The following MCPH1 variants were observed in gnomAD, a reference collection of about 807,000 sequenced individuals.
MCPH1 encodes the protein microcephalin.
A neutral mutation model predicts 84.5 loss-of-function variants in MCPH1; 104 were observed. The observed-to-expected ratio is 1.23, with a 90% CI of 1.05 to 1.45. The LOEUF (loss-of-function observed/expected upper bound fraction) is 1.45. Ranked by LOEUF, MCPH1 falls within the 40% of genes most tolerant of loss-of-function variation. The probability of loss-of-function intolerance (pLI) is 0.00; values close to 1 mark genes in which losing one functional copy is unlikely to be tolerated. For missense variants in MCPH1, 1,498 were observed against 1,005.7 expected, an observed-to-expected ratio of 1.49 and a Z score of -6.62; for synonymous variants, 514 against 366.8, an observed-to-expected ratio of 1.40 and a Z score of -4.58.
Position 6,445,118 on chromosome 8 carries a change from A to G in MCPH1, c.1396A>G (p.Lys466Glu). 6.2e-7 allele frequency: 1 copy of G among 1,614,182 alleles called. No homozygotes were observed. The highest frequency in any genetic ancestry group is 1.1e-5 in the South Asian group (1 of 91,070). The change falls in exon 8 of 14, where the codon AAA (lysine) becomes GAA (glutamate). Residue 466 changes from lysine to glutamate, a missense_variant. Coordinates refer to ENST00000344683, the MANE Select transcript of MCPH1 (RefSeq NM_024596.5). ...AATGTCTGATTTTTCCTGCGTTGGC[A>G]AAAAAACCAGAACAGTTGACATTAC... Reference protein sequence around the residue: ...FEMSDFSCVGKKTRTVDITNF... With the variant: ...FEMSDFSCVGEKTRTVDITNF...
rs559279037 is a variant in MCPH1, at chr8:6,571,606, C to A, written c.2215-49848C>A. 2.6e-5 allele frequency among the ~76,000 whole-genome samples: 4 copies of A among 152,022 alleles called. No individual in the cohort carries two copies. In the East Asian group the frequency reaches 7.7e-4, roughly 29 times the overall value. ...AATTTTTATCTTAATTATTGAGAAACCTTTTTAAAAAGAGATAAAAATGTC... is the reference window on the plus strand; with the variant it reads ...AATTTTTATCTTAATTATTGAGAAAACTTTTTAAAAAGAGATAAAAATGTC... On this transcript the variant is annotated intron_variant, in intron 12 of 13. Transcript: ENST00000344683.
intron 6 of MCPH1, among the ~76,000 whole-genome samples, chr8:6,440,990 C>T (rs576294765): frequency 6.6e-6 from 1 of 152,252 alleles, no homozygotes; most frequent in Admixed American, 6.5e-5. Context: ...GCTTTTCTTG[C>T]AAAATGTGTG....
At chr8:6,429,471 A>G (rs1801527826) in intron 3 of MCPH1, among the ~76,000 whole-genome samples, 2 of 150,370 alleles carry the variant, frequency 1.3e-5, no homozygotes, top group South Asian at 4.2e-4. Context: ...TCTGAGCTCC[A>G]GGTTCTGAGC....
intron 3 of MCPH1, among the ~76,000 whole-genome samples, chr8:6,416,587 C>T (rs1163587098): frequency 1.3e-5 from 2 of 152,060 alleles, no homozygotes; most frequent in Admixed American, 1.3e-4. Flanking sequence ...GATTTTTGTC[C>T]TTCATTATAT....
At chr8:6,468,081 G>C (rs921819083) in intron 9 of MCPH1, among the ~76,000 whole-genome samples, 2 of 152,198 alleles carry the variant, frequency 1.3e-5, no homozygotes, top group Non-Finnish European at 2.9e-5. Context: ...CTACACCTTA[G>C]CTTAAGCAAT....
At chr8:6,440,517 C>T (rs1024682278) in intron 6 of MCPH1, among the ~76,000 whole-genome samples, 2 of 152,154 alleles carry the variant, frequency 1.3e-5, no homozygotes, top group Non-Finnish European at 2.9e-5. Flanking sequence ...GTGCCACGAT[C>T]CCTGGCTTAT....
At chr8:6,636,550 G>A (rs1438740589) in intron 13 of MCPH1, among the ~76,000 whole-genome samples, 3 of 152,106 alleles carry the variant, frequency 2.0e-5, no homozygotes, top group African/African-American at 7.2e-5. Context: ...TGCGATCATA[G>A]CTCATTGCAG....
In MCPH1 at chr8:6,631,469, C is replaced by CA. The variant is rs5889181; in HGVS notation, c.2452+9788dup. ...ATAAAGAACTCCTGCAACTCAACAACAAAAAAAAAACCCCAGTTTCAAACT... is the reference window on the plus strand; with the variant it reads ...ATAAAGAACTCCTGCAACTCAACAACAAAAAAAAAAACCCCAGTTTCAAACT... On this transcript the variant is annotated intron_variant, in intron 13 of 13. Transcript: ENST00000344683. 2.6e-3 allele frequency among the ~76,000 whole-genome samples: 394 copies of CA among 149,086 alleles called. 2 individuals are homozygous for CA. Among genetic ancestry groups the CA allele is most frequent in the East Asian group, 0.026 (134 of 5,130 alleles).
In MCPH1 at chr8:6,431,479, A is replaced by C. The variant is rs752429100; in HGVS notation, c.234-20A>C. 2.5e-6 allele frequency: 4 copies of C among 1,585,430 alleles called. No homozygotes were observed. The highest frequency in any genetic ancestry group is 3.5e-6 in the Non-Finnish European group (4 of 1,154,266). On this transcript the variant is annotated intron_variant, in intron 3 of 13. Transcript: ENST00000344683. ...AATAGAAGCAAATACTCATTAGACT[A>C]CCTTAATTTAATTATACAGATGCAG...
intron 2 of MCPH1, among the ~76,000 whole-genome samples, chr8:6,412,093 C>T (rs1009247825): frequency 6.6e-6 from 1 of 152,154 alleles, no homozygotes; most frequent in Non-Finnish European, 1.5e-5. Flanking sequence ...GTGGGTGCTA[C>T]TGAATACCCT....
chr8:6,540,511 G>C (rs1186833922), intron 12 of MCPH1, among the ~76,000 whole-genome samples: 1 of 152,220 alleles, frequency 6.6e-6, no homozygotes, highest in Non-Finnish European at 1.5e-5. Flanking sequence ...TGAGCGTGCA[G>C]CCTCATGGCA....
chr8:6,508,612 A>G (rs1814276101), intron 12 of MCPH1: 2 of 481,236 alleles, frequency 4.2e-6, no homozygotes, highest in Admixed American at 7.8e-5. Context: ...AGCAAAATGT[A>G]ATTAAACCAT....
chr8:6,550,486 C>T (rs1334981830), intron 12 of MCPH1, among the ~76,000 whole-genome samples: 1 of 152,196 alleles, frequency 6.6e-6, no homozygotes, highest in Non-Finnish European at 1.5e-5. Flanking sequence ...CGGGGTGAAG[C>T]GGAAACAAGG....
At chr8:6,608,583 C>T (rs1444997954) in intron 12 of MCPH1, among the ~76,000 whole-genome samples, 3 of 152,162 alleles carry the variant, frequency 2.0e-5, no homozygotes, top group Non-Finnish European at 2.9e-5. Context: ...GATATGGACC[C>T]GCTTGCTCTT....
At chr8:6,561,889 C>T (rs2129575839) in intron 12 of MCPH1, among the ~76,000 whole-genome samples, 1 of 152,286 alleles carries the variant, frequency 6.6e-6, no homozygotes, top group East Asian at 1.9e-4. Flanking sequence ...ACAGTGGAAT[C>T]ACCCCAAGAA....
At chr8:6,638,702 C>A (rs537986412) in intron 13 of MCPH1, among the ~76,000 whole-genome samples, 1 of 152,070 alleles carries the variant, frequency 6.6e-6, no homozygotes, top group Admixed American at 6.6e-5. Context: ...ATCTGTCCTA[C>A]GGCCACATTT....
At position 6,414,782 on chromosome 8, in the gene MCPH1, C is replaced by T; in HGVS notation, c.132C>T (p.Asn44=). The change falls in exon 3 of 14, where the codon AAC becomes AAT. Residue 44 remains asparagine (N), a synonymous_variant. Transcript: ENST00000344683. ...GTCTACAGGTTTCAAAAACTTTTAA[C>T]AAACAAGTAACTCACGTTATCTTCA... ...DMGAKVSKTF[N]KQVTHVIFKD... The T allele has an allele frequency of 6.2e-7, 1 of 1,613,674 alleles. No individual in the cohort carries two copies. Among genetic ancestry groups the T allele is most frequent in the Non-Finnish European group, 8.5e-7 (1 of 1,179,802 alleles).
intron 12 of MCPH1, among the ~76,000 whole-genome samples, chr8:6,592,559 G>A (rs1441118480): frequency 6.7e-6 from 1 of 148,488 alleles, no homozygotes; most frequent in East Asian, 2.0e-4. Flanking sequence ...AAAAGTAACT[G>A]CTGTCCTGAA....
intron 12 of MCPH1, among the ~76,000 whole-genome samples, chr8:6,533,592 T>A (rs1009857436): frequency 1.3e-5 from 2 of 148,390 alleles, no homozygotes; most frequent in African/African-American, 2.5e-5. Flanking sequence ...TTTTTTTTTT[T>A]AAATAATCTA....
Sources: allele counts gnomAD v4.1 joint callset (sites outside exome capture counted in the v4.1 genomes callset), GRCh38; gene constraint gnomAD v4.1.1; transcripts MANE v1.5; gene names NCBI Gene and HGNC (gene_info 2026-07-23, HGNC 2026-07-21).